The following TBC1D22A variants were observed in gnomAD, a reference collection of about 807,000 sequenced individuals.
TBC1D22A encodes the protein putative GTPase activator.
TBC1D22A carries 38 observed loss-of-function variants against 60.2 expected under a neutral mutation model. That is an observed-to-expected ratio of 0.63 (90% CI 0.49 to 0.83). The LOEUF is 0.83. Ranked by LOEUF, TBC1D22A falls within the 40% of genes least tolerant of loss-of-function variation. TBC1D22A has a pLI of 0.00. For missense variants in TBC1D22A, 628 were observed against 701.0 expected (o/e 0.90, Z 1.18); for synonymous variants, 302 against 281.7 (o/e 1.07, Z -0.72).
At chr22:46,799,729 T>C (rs75637852) in intron 4 of TBC1D22A, among the ~76,000 whole-genome samples, 2,069 of 152,374 alleles carry the variant, frequency 0.014, 46 homozygotes, top group African/African-American at 0.048. Flanking sequence ...TTGTGGGATG[T>C]CCCTTGGTTT....
intron 12 of TBC1D22A, among the ~76,000 whole-genome samples, chr22:47,130,061 G>A (rs2066627841): frequency 6.6e-6 from 1 of 152,198 alleles, no homozygotes; most frequent in Non-Finnish European, 1.5e-5. Context: ...CTTGTCACCT[G>A]GGTGGGGCTG....
intron 4 of TBC1D22A, among the ~76,000 whole-genome samples, chr22:46,811,602 C>T (rs557414001): frequency 1.8e-4 from 27 of 152,298 alleles, no homozygotes; most frequent in Admixed American, 5.2e-4. Flanking sequence ...TATCGAGCTG[C>T]GTGCTGAGCG....
At chr22:47,050,586 G>T (rs557855361) in intron 11 of TBC1D22A, among the ~76,000 whole-genome samples, 2 of 152,336 alleles carry the variant, frequency 1.3e-5, no homozygotes, top group East Asian at 1.9e-4. Flanking sequence ...CGCGTGTGAG[G>T]CCTCTCCAGG....
chr22:47,171,539 GC>G (rs933448204), intron 12 of TBC1D22A, among the ~76,000 whole-genome samples: 4 of 152,170 alleles, frequency 2.6e-5, no homozygotes, highest in African/African-American at 4.8e-5. Flanking sequence ...CTGGGCTTGG[GC>G]TGGCCCTGAC....
chr22:46,862,912 T>C (rs765472638), intron 4 of TBC1D22A, among the ~76,000 whole-genome samples: 2 of 152,104 alleles, frequency 1.3e-5, no homozygotes, highest in Non-Finnish European at 2.9e-5. Flanking sequence ...TTTTAGAAAT[T>C]TCTAAATTAA....
intron 11 of TBC1D22A, among the ~76,000 whole-genome samples, chr22:47,077,447 CT>C (rs2064270582): frequency 1.3e-5 from 2 of 152,200 alleles, no homozygotes. Context: ...CAGTACTTAT[CT>C]TTCCCCAAGG....
intron 11 of TBC1D22A, among the ~76,000 whole-genome samples, chr22:47,090,435 A>C (rs2064875913): frequency 6.6e-6 from 1 of 152,238 alleles, no homozygotes; most frequent in Admixed American, 6.5e-5. Context: ...CCCGTGTTCC[A>C]GCAGCCGAGT....
chr22:47,070,635 G>A (rs868192376), intron 11 of TBC1D22A, among the ~76,000 whole-genome samples: 1 of 126,484 alleles, frequency 7.9e-6, no homozygotes, highest in African/African-American at 3.4e-5. Context: ...TGGCTGGAGC[G>A]GGGCTGACCT....
At chr22:47,045,143 A>G (rs959175976) in intron 11 of TBC1D22A, among the ~76,000 whole-genome samples, 9 of 152,142 alleles carry the variant, frequency 5.9e-5, no homozygotes, top group Admixed American at 3.3e-4. Flanking sequence ...TTGGGCGCTG[A>G]CTCGTACATT....
At chr22:46,918,143 G>A (rs1231971752) in intron 8 of TBC1D22A, among the ~76,000 whole-genome samples, 1 of 152,240 alleles carries the variant, frequency 6.6e-6, no homozygotes, top group Non-Finnish European at 1.5e-5. Context: ...AACGCAGTAA[G>A]TGTCCAGTAT....
intron 11 of TBC1D22A, among the ~76,000 whole-genome samples, chr22:47,098,151 AT>A (rs577029498): frequency 9.2e-5 from 14 of 152,170 alleles, no homozygotes; most frequent in Non-Finnish European, 1.8e-4. Flanking sequence ...GTTAATGGTC[AT>A]TTCCAAGGCA....
intron 8 of TBC1D22A, among the ~76,000 whole-genome samples, chr22:46,958,482 G>A (rs1008942793): frequency 6.6e-6 from 1 of 152,194 alleles, no homozygotes; most frequent in Non-Finnish European, 1.5e-5. Context: ...TTGTCCACCT[G>A]GGTGTCCGTC....
chr22:47,091,461 G>T (rs113237510), intron 11 of TBC1D22A, among the ~76,000 whole-genome samples: 691 of 110,880 alleles, frequency 6.2e-3, no homozygotes, highest in East Asian at 0.013. Context: ...AGACAGGCAC[G>T]AGAAGTCGTC....
At chr22:47,060,419 TTTG>T (rs538467446) in intron 11 of TBC1D22A, among the ~76,000 whole-genome samples, 7 of 151,586 alleles carry the variant, frequency 4.6e-5, no homozygotes, top group Non-Finnish European at 2.9e-5. Flanking sequence ...TTCGTTGTTT[TTTG>T]TTGTTGTTGT....
chr22:47,170,075 A>G (rs2068372664), intron 12 of TBC1D22A, among the ~76,000 whole-genome samples: 1 of 152,240 alleles, frequency 6.6e-6, no homozygotes, highest in Admixed American at 6.5e-5. Flanking sequence ...GGCCTAGTGC[A>G]TAAATAAGAC....
intron 11 of TBC1D22A, among the ~76,000 whole-genome samples, chr22:47,066,502 C>A (rs540569337): frequency 6.6e-6 from 1 of 152,206 alleles, no homozygotes. Context: ...CTTGAGGGCA[C>A]CTGTCCCTCT....
intron 1 of TBC1D22A, among the ~76,000 whole-genome samples, chr22:46,776,678 A>G (rs1378262944): frequency 6.6e-6 from 1 of 152,076 alleles, no homozygotes; most frequent in East Asian, 1.9e-4. Context: ...GGTGAGAACC[A>G]TGGCCGTGGG....
chr22:46,904,050 A>G (rs1569198968), intron 7 of TBC1D22A, among the ~76,000 whole-genome samples: 1 of 152,062 alleles, frequency 6.6e-6, no homozygotes, highest in Admixed American at 6.6e-5. Flanking sequence ...TGTCATATAT[A>G]TGTATATATA....
At chr22:47,010,334 C>A (rs1332114155) in intron 10 of TBC1D22A, among the ~76,000 whole-genome samples, 1 of 151,380 alleles carries the variant, frequency 6.6e-6, no homozygotes, top group African/African-American at 2.4e-5. Flanking sequence ...AGCGTGGCTC[C>A]CTCCCCCTGG....
Sources: allele counts gnomAD v4.1 joint callset (sites outside exome capture counted in the v4.1 genomes callset), GRCh38; gene constraint gnomAD v4.1.1; transcripts MANE v1.5; gene names NCBI Gene and HGNC (gene_info 2026-07-23, HGNC 2026-07-21).